Variants in PTPRD observed in about 807,000 individuals in gnomAD.
PTPRD encodes the protein protein tyrosine phosphatase receptor type D, also known as receptor-type tyrosine-protein phosphatase delta.
Under a neutral mutation model 214.5 loss-of-function variants are expected in PTPRD, and 34 were observed. That is an observed-to-expected ratio of 0.16 (90% CI 0.12 to 0.21). The LOEUF is 0.21. Ranked by LOEUF, PTPRD falls within the 10% of genes least tolerant of loss-of-function variation. PTPRD has a pLI of 1.00. For synonymous variants in PTPRD, 1,128 were observed against 845.7 expected (o/e 1.33, Z -5.79); for missense variants, 2,545 against 2,398.7 (o/e 1.06, Z -1.27).
At chr9:9,083,949 T>G (rs968229036) in intron 10 of PTPRD, among the ~76,000 whole-genome samples, 2 of 152,124 alleles carry the variant, frequency 1.3e-5, no homozygotes, top group African/African-American at 4.8e-5. Context: ...TTTTACACTG[T>G]TGGTGGGAGT....
At chr9:10,042,751 T>C (rs1018128968) in intron 3 of PTPRD, among the ~76,000 whole-genome samples, 1 of 151,960 alleles carries the variant, frequency 6.6e-6, no homozygotes, top group Non-Finnish European at 1.5e-5. Context: ...AACACTAGCA[T>C]ACACTGTCCT....
intron 8 of PTPRD, among the ~76,000 whole-genome samples, chr9:9,437,972 T>C (rs538447315): frequency 1.5e-4 from 23 of 152,122 alleles, no homozygotes; most frequent in Non-Finnish European, 2.6e-4. Context: ...GTCTGCAGAG[T>C]TGGTTCCTTG....
At chr9:9,543,981 T>A (rs2078183661) in intron 8 of PTPRD, among the ~76,000 whole-genome samples, 1 of 151,626 alleles carries the variant, frequency 6.6e-6, no homozygotes, top group Non-Finnish European at 1.5e-5. Flanking sequence ...TTAGAATCCC[T>A]CCACCTTCAA....
chr9:8,321,387 TTAATAAGTTA>T (rs1281693119), intron 44 of PTPRD, among the ~76,000 whole-genome samples: 1 of 150,168 alleles, frequency 6.7e-6, no homozygotes, highest in African/African-American at 2.4e-5. Flanking sequence ...TCATCTTACT[TTAATAAGTTA>T]TAAATAAGAA....
chr9:8,433,876 T>C (rs2095220911), intron 35 of PTPRD, among the ~76,000 whole-genome samples: 1 of 152,342 alleles, frequency 6.6e-6, no homozygotes, highest in Middle Eastern at 3.4e-3. Context: ...TACAGTAACG[T>C]CCTAGGCCTC....
chr9:10,195,009 T>G (rs1475729597), intron 3 of PTPRD, among the ~76,000 whole-genome samples: 1 of 151,036 alleles, frequency 6.6e-6, no homozygotes, highest in African/African-American at 2.4e-5. Flanking sequence ...CCCGGCTCAC[T>G]GTAACCTCTG....
intron 5 of PTPRD, among the ~76,000 whole-genome samples, chr9:9,805,744 G>A (rs1302769978): frequency 7.9e-5 from 12 of 152,056 alleles, no homozygotes; most frequent in Admixed American, 7.2e-4. Flanking sequence ...TATTCTCAAA[G>A]GAAGAATGAC....
chr9:10,240,939 G>A (rs2090904340), intron 3 of PTPRD, among the ~76,000 whole-genome samples: 1 of 151,214 alleles, frequency 6.6e-6, no homozygotes, highest in Non-Finnish European at 1.5e-5. Flanking sequence ...ATACAAATTA[G>A]GAGAAGGCAT....
chr9:8,340,593 T>C (rs1851557854), intron 41 of PTPRD, 124 bp from the exon 42 acceptor site: 2 of 944,194 alleles, frequency 2.1e-6, no homozygotes, highest in African/African-American at 3.2e-5. Flanking sequence ...GCAATTGAGG[T>C]AAATTCCTGC....
At chr9:8,641,286 A>G (rs1008140787) in intron 12 of PTPRD, among the ~76,000 whole-genome samples, 1 of 148,228 alleles carries the variant, frequency 6.7e-6, no homozygotes, top group Non-Finnish European at 1.5e-5. Context: ...AGATACAACC[A>G]TCAGTATTAT....
chr9:10,090,925 C>T (rs1269797275), intron 3 of PTPRD, among the ~76,000 whole-genome samples: 2 of 136,534 alleles, frequency 1.5e-5, no homozygotes, highest in Admixed American at 7.3e-5. Context: ...AATATACACA[C>T]ACACACACAC....
At chr9:9,915,198 C>T (rs1304702486) in intron 5 of PTPRD, among the ~76,000 whole-genome samples, 1 of 152,128 alleles carries the variant, frequency 6.6e-6, no homozygotes, top group Non-Finnish European at 1.5e-5. Context: ...CACACCCTAC[C>T]AAACTGACAG....
Position 9,105,580 on chromosome 9 carries a change from G to A in PTPRD, c.-143+77724C>T, listed in dbSNP as rs147805647. Among the ~76,000 whole-genome samples, 144 of 152,216 alleles carry A rather than the reference G, an allele frequency of 9.5e-4. 1 individual carries two copies. The East Asian group carries it at 0.024, about 25-fold the overall frequency. The stretch of plus-strand genomic sequence containing the variant: ...GGTTACTCCATAAATTGAAATTATC[G>A]TCATTTGTGGCTCTCACAAGATTAG... On this transcript the variant is annotated intron_variant, in intron 10 of 45. Transcript: ENST00000381196.
intron 2 of PTPRD, among the ~76,000 whole-genome samples, chr9:10,492,348 A>G (rs966941762): frequency 4.6e-5 from 7 of 151,700 alleles, no homozygotes; most frequent in African/African-American, 1.5e-4. Flanking sequence ...AAGTGTTCCT[A>G]TTTTTTCACA....
At chr9:9,814,062 T>G (rs1266217504) in intron 5 of PTPRD, among the ~76,000 whole-genome samples, 1 of 152,084 alleles carries the variant, frequency 6.6e-6, no homozygotes, top group East Asian at 1.9e-4. Context: ...ATGATCTCAA[T>G]AGATGCAGAA....
At chr9:8,850,613 C>T (rs2097790999) in intron 11 of PTPRD, among the ~76,000 whole-genome samples, 1 of 151,982 alleles carries the variant, frequency 6.6e-6, no homozygotes, top group Non-Finnish European at 1.5e-5. Context: ...ATTTAAGATA[C>T]ATCCAACAAA....
intron 5 of PTPRD, among the ~76,000 whole-genome samples, chr9:9,909,547 TTTA>T (rs2153824722): frequency 6.6e-6 from 1 of 152,066 alleles, no homozygotes; most frequent in African/African-American, 2.4e-5. Context: ...TTTATATGAA[TTTA>T]TTATTAGGCA....
chr9:8,465,384 C>A, intron 32 of PTPRD, 82 bp downstream of exon 32: 2 of 1,278,130 alleles, frequency 1.6e-6, no homozygotes, highest in Non-Finnish European at 1.1e-6. Context: ...GATGGATATA[C>A]CCACAAATCC....
At chr9:9,413,994 T>G (rs1420002003) in intron 8 of PTPRD, among the ~76,000 whole-genome samples, 2 of 152,216 alleles carry the variant, frequency 1.3e-5, no homozygotes, top group Non-Finnish European at 2.9e-5. Context: ...AATTTTCCCT[T>G]GCAACACCTT....
Sources: allele counts gnomAD v4.1 joint callset (sites outside exome capture counted in the v4.1 genomes callset), GRCh38; gene constraint gnomAD v4.1.1; transcripts MANE v1.5; gene names NCBI Gene and HGNC (gene_info 2026-07-23, HGNC 2026-07-21).